The following CNGB1 variants were observed in gnomAD, a reference collection of about 807,000 sequenced individuals.
The protein encoded by CNGB1 is cyclic nucleotide gated channel subunit beta 1, also known as cyclic nucleotide-gated channel beta-1.
In CNGB1, 126 loss-of-function variants were observed where a neutral mutation model predicts 151.7. The ratio of observed to expected loss-of-function variants is 0.83; its 90% CI spans 0.72 to 0.96. The LOEUF (loss-of-function observed/expected upper bound fraction) is 0.96. Among genes scored for constraint, CNGB1 ranks in the 40% least tolerant of loss-of-function variants. CNGB1 has a pLI of 0.00. For missense variants in CNGB1, 1,698 were observed against 1,627.0 expected (o/e 1.04, Z -0.75); for synonymous variants, 623 against 635.1 (o/e 0.98, Z 0.29).
chr16:57,931,975 T>C, intron 16 of CNGB1, 97 bp from the exon 17 acceptor site: 1 of 1,342,464 alleles, frequency 7.4e-7, no homozygotes, highest in Non-Finnish European at 1.1e-6. Context: ...GAAAGCATGT[T>C]TGGAGGGGAC....
At chr16:57,917,145 G>A (rs544925418) in intron 21 of CNGB1, 123 bp downstream of exon 21, 103 of 833,940 alleles carry the variant, frequency 1.2e-4, no homozygotes, top group African/African-American at 8.8e-4. Context: ...CACAGCAGCC[G>A]TTCTTGAGAT....
intron 12 of CNGB1, chr16:57,954,838 T>C (rs1181392556): frequency 1.0e-6 from 1 of 993,590 alleles, no homozygotes; most frequent in Non-Finnish European, 1.2e-6. Flanking sequence ...GGTACCACAC[T>C]GGGGGCTGTG....
At chr16:57,921,376 C>T (rs945311923) in intron 18 of CNGB1, among the ~76,000 whole-genome samples, 22 of 152,036 alleles carry the variant, frequency 1.4e-4, no homozygotes, top group African/African-American at 5.1e-4. Flanking sequence ...TGCACGCCAC[C>T]AAGCCTGACT....
At chr16:57,892,072 C>CAA (rs34104252) in intron 31 of CNGB1, among the ~76,000 whole-genome samples, 7,010 of 96,140 alleles carry the variant, frequency 0.073, 242 homozygotes, top group Middle Eastern at 0.11. Flanking sequence ...CACAAAAATG[C>CAA]AAAAAAAAAA....
chr16:57,939,908 G>C (rs1302719696), intron 15 of CNGB1, among the ~76,000 whole-genome samples: 1 of 152,164 alleles, frequency 6.6e-6, no homozygotes, highest in East Asian at 1.9e-4. Flanking sequence ...AGCCCTTTTG[G>C]GTCCTCCTAC....
rs1960958500 is a variant in CNGB1 at position 57,919,133 on chromosome 16, C to T, written c.1923G>A (p.Lys641=). 1 of 1,614,098 alleles carries T rather than the reference C, an allele frequency of 6.2e-7. No individual in the cohort carries two copies. ...GGTCAATGCTCTGGGGAAACTGGTA[C>T]TTCTTCCAGGGGCGGTGTTTGAACT... is the stretch of plus-strand genomic sequence containing the variant. ...CCKFKHRPWK[K]YQFPQSIDPL... Residue 641 remains lysine (K), a synonymous_variant, in exon 20 of 33, where the codon AAG becomes AAA. Coordinates refer to ENST00000251102, the MANE Select transcript of CNGB1 (RefSeq NM_001297.5).
chr16:57,960,761 C>A, intron 8 of CNGB1, 79 bp downstream of exon 8: 2 of 1,473,402 alleles, frequency 1.4e-6, no homozygotes, highest in Non-Finnish European at 1.9e-6. Flanking sequence ...GGACAGCCTG[C>A]TGGAGGAGGC....
At chr16:57,904,931 C>T (rs781175847) in intron 25 of CNGB1, 56 bp from the exon 26 acceptor site, 49 of 1,610,828 alleles carry the variant, frequency 3.0e-5, no homozygotes, top group Non-Finnish European at 3.5e-5. Flanking sequence ...TCTGCCGCCC[C>T]GAGCAGTCTG....
At position 57,897,489 on chromosome 16, in the gene CNGB1, C is replaced by CCCGTGCGCCACCACGTTGG. The variant is rs1365926616; in HGVS notation, c.3131_3149dup (p.Phe1051GlnfsTer15). 6.2e-7 allele frequency: 1 copy of CCCGTGCGCCACCACGTTGG among 1,614,140 alleles called. No individual in the cohort carries two copies. The highest frequency in any genetic ancestry group is 1.3e-5 in the African/African-American group (1 of 75,042). On this transcript the variant is annotated frameshift_variant, in exon 31 of 33. Transcript: ENST00000251102. LOFTEE classifies it high-confidence loss of function. ...TATCCAGGATGAAGAGGTTGGTAAACCCGTGCGCCACCACGTTGGCCGTGC... is the reference window on the plus strand; with the variant it reads ...TATCCAGGATGAAGAGGTTGGTAAACCCGTGCGCCACCACGTTGGCCGTGCGCCACCACGTTGGCCGTGC...
chr16:57,944,050 G>T (rs1961739540), intron 14 of CNGB1, among the ~76,000 whole-genome samples: 1 of 151,774 alleles, frequency 6.6e-6, no homozygotes, highest in Non-Finnish European at 1.5e-5. Context: ...ACCACACCCG[G>T]CTAATTTTTG....
At chr16:57,954,447 T>G (rs553230621) in intron 12 of CNGB1, among the ~76,000 whole-genome samples, 14 of 152,304 alleles carry the variant, frequency 9.2e-5, no homozygotes, top group Admixed American at 9.1e-4. Context: ...AGCTACCTGA[T>G]TTTTAAATGT....
At chr16:57,928,378 A>T (rs1251991880) in intron 17 of CNGB1, among the ~76,000 whole-genome samples, 1 of 152,246 alleles carries the variant, frequency 6.6e-6, no homozygotes, top group Non-Finnish European at 1.5e-5. Context: ...TGTTAAGTTC[A>T]TTCCGGCACA....
chr16:57,946,502 AGGGTGGC>A (rs1961813810), intron 14 of CNGB1: 1 of 152,304 alleles, frequency 6.6e-6, no homozygotes, highest in Admixed American at 6.5e-5. Context: ...CTCCCGAGCC[AGGGTGGC>A]TCCAGTGGCA....
intron 31 of CNGB1, among the ~76,000 whole-genome samples, chr16:57,888,675 C>A (rs1473086567): frequency 6.6e-6 from 1 of 152,098 alleles, no homozygotes; most frequent in East Asian, 1.9e-4. Flanking sequence ...TGGTCTCAAA[C>A]TCCTGGGCTC....
chr16:57,940,395 G>A, intron 14 of CNGB1, 74 bp from the exon 15 acceptor site: 1 of 1,426,410 alleles, frequency 7.0e-7, no homozygotes, highest in South Asian at 1.2e-5. Flanking sequence ...GCCCTGCTGA[G>A]GGCCACGCTC....
intron 27 of CNGB1, 60 bp downstream of exon 27, chr16:57,903,762 G>A (rs978171079): frequency 3.2e-5 from 51 of 1,599,138 alleles, no homozygotes; most frequent in South Asian, 2.5e-4. Flanking sequence ...GCATGGCACC[G>A]GGCACCAGGC....
At position 57,887,996 on chromosome 16, in the gene CNGB1, C is replaced by A; in HGVS notation, c.3321G>T (p.Lys1107Asn). 6.2e-7 allele frequency: 1 copy of A among 1,614,224 alleles called. No homozygotes were observed. The highest frequency in any genetic ancestry group is 1.1e-5 in the South Asian group (1 of 91,084). ...LILPPRAGTP[K>N]LFNAALAMTG... ...TCATAGCGAGGGCAGCGTTGAAGAGCTTTGGGGTGCCCGCCCGGGGTGGAA... is the reference window on the plus strand; with the variant it reads ...TCATAGCGAGGGCAGCGTTGAAGAGATTTGGGGTGCCCGCCCGGGGTGGAA... The change falls in exon 32 of 33, where the codon AAG (lysine) becomes AAT (asparagine). Residue 1107 changes from lysine (K) to asparagine (N), a missense_variant. By Grantham distance (94) the Lys-to-Asn change is moderately conservative. Coordinates refer to ENST00000251102, the MANE Select transcript of CNGB1 (RefSeq NM_001297.5).
intron 12 of CNGB1, chr16:57,955,482 C>T (rs1962061183): frequency 1.1e-6 from 1 of 891,262 alleles, no homozygotes; most frequent in Non-Finnish European, 1.8e-6. Context: ...ACACATATCC[C>T]CCAGCCTCTC....
chr16:57,886,034 C>T, intron 32 of CNGB1, among the ~76,000 whole-genome samples: 1 of 152,178 alleles, frequency 6.6e-6, no homozygotes, highest in East Asian at 1.9e-4. Context: ...GTTCAACATG[C>T]TTTTCTAAAA....
Sources: allele counts gnomAD v4.1 joint callset (sites outside exome capture counted in the v4.1 genomes callset), GRCh38; gene constraint gnomAD v4.1.1; transcripts MANE v1.5; gene names NCBI Gene and HGNC (gene_info 2026-07-23, HGNC 2026-07-21).